CTCF: variants seen among roughly 807,000 people sequenced by gnomAD.
CTCF encodes the protein CCCTC-binding factor.
A neutral mutation model predicts 72.3 loss-of-function variants in CTCF; 7 were observed. The observed-to-expected ratio is 0.10, with a 90% CI of 0.06 to 0.18. The LOEUF (loss-of-function observed/expected upper bound fraction) is 0.18, where lower values mean the gene tolerates loss of function less well. Ranked by LOEUF, CTCF falls within the 10% of genes least tolerant of loss-of-function variation. The pLI is 1.00. For synonymous variants in CTCF, 374 were observed against 315.8 expected, an observed-to-expected ratio of 1.18 and a Z score of -1.95; for missense variants, 516 against 949.1, an observed-to-expected ratio of 0.54 and a Z score of 6.00.
intron 8 of CTCF, 97 bp from the exon 9 acceptor site, chr16:67,628,273 G>C: frequency 9.3e-7 from 1 of 1,072,974 alleles, no homozygotes; most frequent in Non-Finnish European, 1.4e-6. Context: ...GACCTAGCTT[G>C]GGTGAGAAAT....
chr16:67,567,099 C>T (rs1011286820), intron 1 of CTCF, among the ~76,000 whole-genome samples: 3 of 152,160 alleles, frequency 2.0e-5, no homozygotes, highest in African/African-American at 7.2e-5. Flanking sequence ...GCCTTGGCCT[C>T]CCAAAGTGCT....
intron 2 of CTCF, among the ~76,000 whole-genome samples, chr16:67,607,596 G>A (rs780894882): frequency 2.0e-5 from 3 of 151,928 alleles, no homozygotes; most frequent in East Asian, 2.0e-4. Flanking sequence ...GTGAGCTACC[G>A]TGCCCGGCCC....
At chr16:67,579,814 G>A (rs1302746134) in intron 2 of CTCF, among the ~76,000 whole-genome samples, 1 of 152,166 alleles carries the variant, frequency 6.6e-6, no homozygotes, top group Admixed American at 6.6e-5. Flanking sequence ...TCCTAGAAGA[G>A]GGAATGGCAT....
intron 2 of CTCF, among the ~76,000 whole-genome samples, chr16:67,601,717 G>GT (rs941974588): frequency 1.6e-4 from 24 of 151,742 alleles, no homozygotes; most frequent in East Asian, 1.9e-4. Flanking sequence ...TATGCCATGT[G>GT]TTTTTTTTCA....
intron 2 of CTCF, among the ~76,000 whole-genome samples, chr16:67,609,825 C>T (rs998297549): frequency 1.3e-5 from 2 of 151,900 alleles, no homozygotes; most frequent in African/African-American, 4.8e-5. Context: ...GGGGTTTCAC[C>T]GTGTTAGCCA....
chr16:67,629,294 A>G (rs745638735), intron 9 of CTCF, 104 bp from the exon 10 acceptor site: 2 of 1,071,532 alleles, frequency 1.9e-6, no homozygotes, highest in Non-Finnish European at 2.7e-6. Context: ...CTTAGCAGAT[A>G]CTAGAATTTT....
At chr16:67,601,252 G>GTGTGTGTGTTT (rs201556166) in intron 2 of CTCF, among the ~76,000 whole-genome samples, 2 of 137,042 alleles carry the variant, frequency 1.5e-5, no homozygotes, top group East Asian at 4.1e-4. Context: ...GTGTGTGTGT[G>GTGTGTGTGTTT]TGTTTTGTTT....
rs2142862759 is a variant in CTCF, at chr16:67,626,691, C to A, written c.1494C>A (p.Asp498Glu). 1 of 1,504,762 alleles carries A rather than the reference C, an allele frequency of 6.6e-7. No homozygotes were observed. Among genetic ancestry groups the A allele is most frequent in the Non-Finnish European group, 8.9e-7 (1 of 1,121,644 alleles). The allele number at this position is 1,504,762 out of a possible 1,614,324, so 93.2% of individuals were successfully genotyped here. A position where few individuals can be genotyped will look rare whatever the true frequency, so the allele number is the denominator to read the frequency against. ...SHKNEKRFKC[D>E]QCDYACRQER... The stretch of plus-strand genomic sequence containing the variant: ...AGAATGAGAAGCGCTTTAAGTGTGA[C>A]CAGTGTGATTACGCTTGTAGACAGG... The change falls in exon 8 of 12, where the codon GAC (aspartate) becomes GAA (glutamate). Residue 498 changes from aspartate (D) to glutamate (E), a missense_variant. Transcript: ENST00000264010.
chr16:67,621,228 A>C, intron 6 of CTCF: 1 of 471,824 alleles, frequency 2.1e-6, no homozygotes, highest in Non-Finnish European at 3.8e-6. Flanking sequence ...AGGATTCCAG[A>C]GTAGAGCTGG....
At chr16:67,574,981 G>GT (rs2051475623) in intron 2 of CTCF, among the ~76,000 whole-genome samples, 1 of 152,064 alleles carries the variant, frequency 6.6e-6, no homozygotes, top group Non-Finnish European at 1.5e-5. Context: ...TTAACTGTGT[G>GT]TTTTACAATT....
In CTCF at chr16:67,629,429, C is replaced by A; in HGVS notation, c.1733C>A (p.Ala578Asp). 6.2e-7 allele frequency: 1 copy of A among 1,608,536 alleles called. No individual in the cohort carries two copies. Residue 578 changes from alanine to aspartate, a missense_variant, in exon 10 of 12, where the codon GCT (alanine) becomes GAT (aspartate). Transcript: ENST00000264010. ...NTMARHADNC[A>D]GPDGVEGENG... ...ATGGCAAGACATGCTGATAATTGTG[C>A]TGGCCCAGATGGCGTAGAGGGGGAA...
chr16:67,576,984 A>G (rs1223243736), intron 2 of CTCF, among the ~76,000 whole-genome samples: 1 of 152,194 alleles, frequency 6.6e-6, no homozygotes, highest in Non-Finnish European at 1.5e-5. Context: ...GGGGACTGCG[A>G]ATTTGGATAT....
At chr16:67,566,701 C>T (rs947934351) in intron 1 of CTCF, among the ~76,000 whole-genome samples, 3 of 150,214 alleles carry the variant, frequency 2.0e-5, no homozygotes, top group African/African-American at 4.9e-5. Flanking sequence ...CTCAGCCTCC[C>T]GAGTAGCTGG....
At chr16:67,601,890 G>A (rs1426719674) in intron 2 of CTCF, among the ~76,000 whole-genome samples, 1 of 144,256 alleles carries the variant, frequency 6.9e-6, no homozygotes, top group African/African-American at 2.5e-5. Flanking sequence ...TTGAGATGGA[G>A]TCTCCCTCTG....
At chr16:67,611,878 A>T in intron 3 of CTCF, 73 bp from the exon 4 acceptor site, 2 of 1,344,152 alleles carry the variant, frequency 1.5e-6, no homozygotes, top group Admixed American at 3.8e-5. Flanking sequence ...ATATATTTGT[A>T]GAAATTTAAG....
intron 2 of CTCF, among the ~76,000 whole-genome samples, chr16:67,588,965 A>G (rs1239656587): frequency 6.6e-6 from 1 of 152,002 alleles, no homozygotes; most frequent in Non-Finnish European, 1.5e-5. Flanking sequence ...TGCTGGGATT[A>G]CAGGCGTGAG....
chr16:67,637,604 C>A, intron 11 of CTCF, 84 bp from the exon 12 acceptor site: 1 of 1,143,078 alleles, frequency 8.7e-7, no homozygotes, highest in African/African-American at 1.5e-5. Flanking sequence ...TTGCTGACAT[C>A]CCGTTCGCTG....
At chr16:67,581,951 C>A (rs2051588869) in intron 2 of CTCF, among the ~76,000 whole-genome samples, 1 of 152,114 alleles carries the variant, frequency 6.6e-6, no homozygotes, top group African/African-American at 2.4e-5. Context: ...TGGCCGGGTG[C>A]AGTGGCTCAT....
chr16:67,620,612 A>G (rs1401633842), intron 5 of CTCF, 85 bp from the exon 6 acceptor site: 2 of 1,181,482 alleles, frequency 1.7e-6, no homozygotes, highest in East Asian at 5.1e-5. Flanking sequence ...AGTGCCCCAA[A>G]GCTAAGCTTT....
Sources: gnomAD v4.1 joint callset for allele counts (sites outside exome capture counted in the v4.1 genomes callset) on GRCh38, gnomAD v4.1.1 for gene constraint, MANE v1.5 for transcripts, NCBI Gene and HGNC (gene_info 2026-07-23, HGNC 2026-07-21) for gene names.